Variants in MARCHF4 observed in about 807,000 individuals in gnomAD.
The protein encoded by MARCHF4 is membrane associated ring-CH-type finger 4.
Under a neutral mutation model 43.9 loss-of-function variants are expected in MARCHF4, and 14 were observed. The observed-to-expected ratio is 0.32, with a 90% confidence interval of 0.21 to 0.50. The LOEUF (loss-of-function observed/expected upper bound fraction) is 0.50, where lower values mean the gene tolerates loss of function less well. Among genes scored for constraint, MARCHF4 ranks in the 20% least tolerant of loss-of-function variants. The probability of loss-of-function intolerance (pLI) is 0.98; values close to 1 mark genes in which losing one functional copy is unlikely to be tolerated. For synonymous variants in MARCHF4, 226 were observed against 213.3 expected, an observed-to-expected ratio of 1.06 and a Z score of -0.52; for missense variants, 468 against 536.7, an observed-to-expected ratio of 0.87 and a Z score of 1.27.
At chr2:216,284,384 G>A (rs1425078208) in intron 1 of MARCHF4, among the ~76,000 whole-genome samples, 2 of 152,218 alleles carry the variant, frequency 1.3e-5, no homozygotes, top group Non-Finnish European at 2.9e-5. Context: ...AACTTCCTTT[G>A]AGTGGACGGC....
intron 1 of MARCHF4, among the ~76,000 whole-genome samples, chr2:216,289,073 TTTTA>T (rs1293940422): frequency 6.8e-6 from 1 of 148,086 alleles, no homozygotes; most frequent in Non-Finnish European, 1.5e-5. Context: ...ATATATTTAT[TTTTA>T]TTTATTTATT....
At chr2:216,346,539 ACTGT>A (rs1692323377) in intron 1 of MARCHF4, among the ~76,000 whole-genome samples, 1 of 152,210 alleles carries the variant, frequency 6.6e-6, no homozygotes, top group South Asian at 2.1e-4. Context: ...CGCTGTGATC[ACTGT>A]CTGAGTGTAG....
intron 1 of MARCHF4, among the ~76,000 whole-genome samples, chr2:216,299,559 T>C (rs1002782978): frequency 3.9e-5 from 6 of 152,230 alleles, no homozygotes; most frequent in African/African-American, 1.4e-4. Flanking sequence ...CATATCTTAA[T>C]CTAACCTGTA....
At chr2:216,353,166 G>A (rs933369888) in intron 1 of MARCHF4, among the ~76,000 whole-genome samples, 5 of 151,976 alleles carry the variant, frequency 3.3e-5, no homozygotes, top group Non-Finnish European at 2.9e-5. Context: ...AAATTGAGGC[G>A]ATGTTCAAAT....
At chr2:216,271,339 T>G (rs1215732293) in intron 3 of MARCHF4, among the ~76,000 whole-genome samples, 2 of 152,214 alleles carry the variant, frequency 1.3e-5, no homozygotes, top group African/African-American at 4.8e-5. Flanking sequence ...CTCTTCTGGA[T>G]GAACTTTGAT....
chr2:216,332,840 A>G (rs1692100450), intron 1 of MARCHF4, among the ~76,000 whole-genome samples: 1 of 152,228 alleles, frequency 6.6e-6, no homozygotes, highest in South Asian at 2.1e-4. Flanking sequence ...AGAGAAGGGT[A>G]CAGACATAGA....
At chr2:216,323,146 C>A (rs1198013847) in intron 1 of MARCHF4, among the ~76,000 whole-genome samples, 1 of 151,802 alleles carries the variant, frequency 6.6e-6, no homozygotes, top group Non-Finnish European at 1.5e-5. Flanking sequence ...AAACTGATAC[C>A]CTAGTAAGTT....
intron 1 of MARCHF4, among the ~76,000 whole-genome samples, chr2:216,315,089 A>G (rs936383687): frequency 1.3e-5 from 2 of 152,202 alleles, no homozygotes; most frequent in Non-Finnish European, 2.9e-5. Flanking sequence ...TTAAAACTAA[A>G]TATCAGAAAA....
At chr2:216,336,955 C>T (rs1337338888) in intron 1 of MARCHF4, among the ~76,000 whole-genome samples, 1 of 151,584 alleles carries the variant, frequency 6.6e-6, no homozygotes, top group African/African-American at 2.4e-5. Context: ...AGTTTGAGAC[C>T]AGCCTGGCCA....
At position 216,370,988 on chromosome 2, in the gene MARCHF4, G is replaced by A. The variant is rs868638986; in HGVS notation, c.-728C>T. On this transcript the variant is annotated 5_prime_UTR_variant, in exon 1 of 4. Transcript: ENST00000273067. ...TGGGTGGGGGAGGGGTGTTGCAGGT[G>A]AAACTGGGCTAGGGGCTTGTGCTTT... is the stretch of plus-strand genomic sequence containing the variant. 1 of 152,204 alleles carries A rather than the reference G, an allele frequency of 6.6e-6. No individual in the cohort carries two copies. Among genetic ancestry groups the A allele is most frequent in the South Asian group, 2.1e-4 (1 of 4,816 alleles). 9.4% of individuals were successfully genotyped at this position (152,204 alleles called of 1,614,324 possible).
chr2:216,368,182 C>T (rs375399524), intron 1 of MARCHF4, among the ~76,000 whole-genome samples: 1 of 152,150 alleles, frequency 6.6e-6, no homozygotes, highest in African/African-American at 2.4e-5. Flanking sequence ...ATTTAGGAAG[C>T]CAAATAATTC....
intron 1 of MARCHF4, among the ~76,000 whole-genome samples, chr2:216,365,806 A>G (rs573695059): frequency 6.6e-6 from 1 of 152,268 alleles, no homozygotes; most frequent in African/African-American, 2.4e-5. Flanking sequence ...CTTGATCTCT[A>G]TCAGCCCCTG....
chr2:216,369,360 T>A (rs1692716191), intron 1 of MARCHF4, among the ~76,000 whole-genome samples: 1 of 152,212 alleles, frequency 6.6e-6, no homozygotes, highest in Non-Finnish European at 1.5e-5. Flanking sequence ...GGACTGAAGA[T>A]GGGCTAGACG....
intron 1 of MARCHF4, among the ~76,000 whole-genome samples, chr2:216,355,267 CG>C (rs1364174447): frequency 1.3e-5 from 2 of 152,002 alleles, no homozygotes; most frequent in Non-Finnish European, 2.9e-5. Flanking sequence ...CCACTGCGCC[CG>C]GCCCTAATAC....
intron 1 of MARCHF4, among the ~76,000 whole-genome samples, chr2:216,302,882 G>T (rs1559093781): frequency 2.1e-5 from 3 of 141,054 alleles, no homozygotes; most frequent in Non-Finnish European, 3.0e-5. Flanking sequence ...TGGGTGACAA[G>T]GTGAGACTCT....
At chr2:216,327,598 T>G (rs1187849354) in intron 1 of MARCHF4, among the ~76,000 whole-genome samples, 1 of 152,212 alleles carries the variant, frequency 6.6e-6, no homozygotes, top group Non-Finnish European at 1.5e-5. Context: ...TTAGCAACAC[T>G]TAACATTAGA....
chr2:216,271,900 C>T (rs55748603), intron 3 of MARCHF4, among the ~76,000 whole-genome samples: 21,421 of 151,364 alleles, frequency 0.14, 1,599 homozygotes, highest in South Asian at 0.25. Context: ...AAGCGATCCT[C>T]CTATCTAAGC....
At chr2:216,367,061 CAAAT>C (rs1692677109) in intron 1 of MARCHF4, among the ~76,000 whole-genome samples, 1 of 152,096 alleles carries the variant, frequency 6.6e-6, no homozygotes, top group African/African-American at 2.4e-5. Context: ...AGGAAAAGAT[CAAAT>C]ACTCATTTTT....
chr2:216,291,643 T>C (rs1691308954), intron 1 of MARCHF4, among the ~76,000 whole-genome samples: 1 of 152,226 alleles, frequency 6.6e-6, no homozygotes, highest in Non-Finnish European at 1.5e-5. Context: ...TCCTCACTTC[T>C]AAGCCTACCT....
Sources: gnomAD v4.1 joint callset for allele counts (sites outside exome capture counted in the v4.1 genomes callset) on GRCh38, gnomAD v4.1.1 for gene constraint, MANE v1.5 for transcripts, NCBI Gene and HGNC (gene_info 2026-07-23, HGNC 2026-07-21) for gene names.